The following RCOR2 variants were observed in gnomAD, a reference collection of about 807,000 sequenced individuals.
RCOR2 encodes the protein REST corepressor 2.
A neutral mutation model predicts 58.9 loss-of-function variants in RCOR2; 19 were observed. That is an observed-to-expected ratio of 0.32 (90% CI 0.23 to 0.47). The LOEUF (loss-of-function observed/expected upper bound fraction) is 0.47. RCOR2 is among the 20% of genes least tolerant of loss of function. The pLI is 1.00. For missense variants in RCOR2, 590 were observed against 707.9 expected (o/e 0.83, Z 1.89); for synonymous variants, 286 against 278.7 (o/e 1.03, Z -0.26).
At position 63,916,967 on chromosome 11, in the gene RCOR2, C is replaced by CCCG. The variant is rs1941867042; in HGVS notation, c.-512_-511insCGG. 3.4e-5 allele frequency: 5 copies of CCCG among 147,148 alleles called. No individual in the cohort carries two copies. The South Asian group carries it at 7.2e-4, about 21-fold the overall frequency. 9.1% of individuals were successfully genotyped at this position (147,148 alleles called of 1,614,324 possible). A position where few individuals can be genotyped will look rare whatever the true frequency, so the allele number is the denominator to read the frequency against. The stretch of plus-strand genomic sequence containing the variant: ...CCCGCGACGGCAGCCGGCCGGGGCA[C>CCCG]CGGCGGCGGCGGCGGCGGCGACGGC... On this transcript the variant is annotated 5_prime_UTR_variant, in exon 1 of 12. Transcript: ENST00000301459.
In RCOR2 at chr11:63,914,816, C is replaced by T. The variant is rs1312646976; in HGVS notation, c.319G>A (p.Ala107Thr). 6.2e-7 allele frequency: 1 copy of T among 1,605,640 alleles called. No individual in the cohort carries two copies. Among genetic ancestry groups the T allele is most frequent in the Non-Finnish European group, 8.5e-7 (1 of 1,175,704 alleles). The change falls in exon 5 of 12, where the codon GCG (alanine) becomes ACG (threonine). Residue 107 changes from alanine to threonine, a missense_variant and splice_region_variant. By Grantham distance (58) the Ala-to-Thr change is moderately conservative (BLOSUM62 0). Coordinates refer to ENST00000301459, the MANE Select transcript of RCOR2 (RefSeq NM_173587.4). ...KEKHGYNIEQ[A>T]LGMLLWHKHD... The stretch of plus-strand genomic sequence containing the variant: ...TTATGCCACAGAAGCATGCCCAGCG[C>T]CTGGCCCGGGGCAAGGGGCAGCTGA...
chr11:63,913,489 C>CTTTTTTTTTTTTT (rs1213435840), intron 8 of RCOR2, among the ~76,000 whole-genome samples: 9 of 76,874 alleles, frequency 1.2e-4, no homozygotes, highest in Admixed American at 2.0e-4. Context: ...CGTGCTCGGC[C>CTTTTTTTTTTTTT]TATTTTTTTT....
chr11:63,920,599 G>C (rs527889725), upstream of RCOR2, among the ~76,000 whole-genome samples: 1 of 152,154 alleles, frequency 6.6e-6, no homozygotes, highest in East Asian at 1.9e-4. Context: ...GGTGGGATCC[G>C]AGCCAAAACC....
upstream of RCOR2, among the ~76,000 whole-genome samples, chr11:63,921,393 A>G (rs1161947990): frequency 6.6e-6 from 1 of 152,184 alleles, no homozygotes; most frequent in East Asian, 1.9e-4. Flanking sequence ...TGCCTGGATC[A>G]TGGTCCCCCT....
intron 1 of RCOR2, 49 bp downstream of exon 1, chr11:63,916,281 C>G: frequency 6.6e-7 from 1 of 1,510,594 alleles, no homozygotes; most frequent in Non-Finnish European, 9.0e-7. Flanking sequence ...CCGCCCCACT[C>G]CGCTCCCCCC....
chr11:63,916,558 G>A lies in RCOR2; in HGVS notation c.-102C>T. 1 of 1,463,590 alleles carries A rather than the reference G, an allele frequency of 6.8e-7. No individual in the cohort carries two copies. The highest frequency in any genetic ancestry group is 2.4e-5 in the Admixed American group (1 of 41,958). 90.7% of individuals were successfully genotyped at this position (1,463,590 alleles called of 1,614,324 possible). A position where few individuals can be genotyped will look rare whatever the true frequency, so the allele number is the denominator to read the frequency against. On this transcript the variant is annotated 5_prime_UTR_variant, in exon 1 of 12. Coordinates refer to ENST00000301459, the MANE Select transcript of RCOR2 (RefSeq NM_173587.4). ...GAGCCCGGCCCGGCCTGGAGAGGTC[G>A]CCACTGAGGTTAGGAGAGGCAGGAG...
At chr11:63,923,799 G>A in the RCOR2 span, among the ~76,000 whole-genome samples, 2 of 152,086 alleles carry the variant, frequency 1.3e-5, no homozygotes, top group Non-Finnish European at 2.9e-5. Flanking sequence ...ATTGCCTTCT[G>A]GACTCAGCAT....
At chr11:63,925,919 T>G in the RCOR2 span, among the ~76,000 whole-genome samples, 1 of 151,286 alleles carries the variant, frequency 6.6e-6, no homozygotes, top group Non-Finnish European at 1.5e-5. Flanking sequence ...CCTTTTATTT[T>G]TATTTTTGAG....
the RCOR2 span, among the ~76,000 whole-genome samples, chr11:63,924,818 T>C: frequency 6.6e-6 from 1 of 151,564 alleles, no homozygotes; most frequent in Non-Finnish European, 1.5e-5. Flanking sequence ...TGAGTCACCG[T>C]GATTACAGGC....
the RCOR2 span, among the ~76,000 whole-genome samples, chr11:63,926,796 TG>T: frequency 5.2e-3 from 694 of 132,316 alleles, 10 homozygotes; most frequent in African/African-American, 0.016. Context: ...TTTTTTGTTT[TG>T]TTTTTTTTGT....
chr11:63,918,694 A>G (rs320115), upstream of RCOR2, among the ~76,000 whole-genome samples: 17,814 of 151,520 alleles, frequency 0.12, 3,319 homozygotes, highest in African/African-American at 0.4. Context: ...CTTTGGAGAG[A>G]CTCTCATTTC....
At position 63,912,098 on chromosome 11, in the gene RCOR2, A is replaced by T; in HGVS notation, c.1339T>A (p.Ser447Thr). Residue 447 changes from serine to threonine, a missense_variant, in exon 12 of 12, where the codon TCC becomes ACC. Ser to Thr is a moderately conservative substitution (Grantham distance 58). Coordinates refer to ENST00000301459, the MANE Select transcript of RCOR2 (RefSeq NM_173587.4). ...GGCCTCAGCAGCGGGGGTGGCTGGGACAGCGAGGTGGGAGGTGGAGGGGGT... is the reference window on the plus strand; with the variant it reads ...GGCCTCAGCAGCGGGGGTGGCTGGGTCAGCGAGGTGGGAGGTGGAGGGGGT... ...PPPPPPPTSL[S>T]QPPPLLRPPL... 7.6e-7 allele frequency: 1 copy of T among 1,316,662 alleles called. No homozygotes were observed. The highest frequency in any genetic ancestry group is 9.8e-7 in the Non-Finnish European group (1 of 1,016,670). The allele number at this position is 1,316,662 out of a possible 1,614,324, so 81.6% of individuals were successfully genotyped here.
chr11:63,927,374 T>A, the RCOR2 span, among the ~76,000 whole-genome samples: 3 of 152,022 alleles, frequency 2.0e-5, no homozygotes, highest in Non-Finnish European at 4.4e-5. Context: ...GGCTCAAGCA[T>A]TCCTCTCACC....
At chr11:63,922,609 C>G in the RCOR2 span, among the ~76,000 whole-genome samples, 1 of 152,204 alleles carries the variant, frequency 6.6e-6, no homozygotes, top group African/African-American at 2.4e-5. Context: ...TGCCTTGGCT[C>G]CCAAAGTGTT....
chr11:63,917,348 G>A (rs1429242527), upstream of RCOR2, among the ~76,000 whole-genome samples: 1 of 152,084 alleles, frequency 6.6e-6, no homozygotes, highest in East Asian at 1.9e-4. Flanking sequence ...GTCCCGCTGC[G>A]GGGGCTCCCC....
Position 63,914,740 on chromosome 11 carries a change from G to C in RCOR2, c.395C>G (p.Pro132Arg). 6.2e-7 allele frequency: 1 copy of C among 1,613,526 alleles called. No individual in the cohort carries two copies. Among genetic ancestry groups the C allele is most frequent in the Non-Finnish European group, 8.5e-7 (1 of 1,179,764 alleles). The change falls in exon 5 of 12, where the codon CCT becomes CGT. Residue 132 changes from proline to arginine, a missense_variant. Around this residue, in one of 3 missense-constraint regions of RCOR2, gnomAD observed 390 missense variants for 478.7 expected, o/e 0.81. Transcript: ENST00000301459. ...LADLANFTPF[P>R]DEWTVEDKVL... Reference sequence around the variant, plus strand: ...CTTGTCCTCTACTGTCCACTCGTCAGGGAATGGGGTGAAGTTGGCCAGGTC... The same window carrying C: ...CTTGTCCTCTACTGTCCACTCGTCACGGAATGGGGTGAAGTTGGCCAGGTC...
At position 63,912,869 on chromosome 11, in the gene RCOR2, C is replaced by T; in HGVS notation, c.969+1G>A. 1 of 1,613,678 alleles carries T rather than the reference C, an allele frequency of 6.2e-7. No homozygotes were observed. The highest frequency in any genetic ancestry group is 8.5e-7 in the Non-Finnish European group (1 of 1,179,800). On this transcript the variant is annotated splice_donor_variant, in intron 9 of 11. Coordinates refer to ENST00000301459, the MANE Select transcript of RCOR2 (RefSeq NM_173587.4). LOFTEE classifies it high-confidence loss of function. Reference sequence around the variant, plus strand: ...CACCCTAACTTAAAGAGCAGCCATACCTCCGGGGGGCGTAGTGGATCAATA... The same window carrying T: ...CACCCTAACTTAAAGAGCAGCCATATCTCCGGGGGGCGTAGTGGATCAATA...
chr11:63,914,991 G>C lies in RCOR2; in HGVS notation c.266-37C>G. On this transcript the variant is annotated intron_variant, in intron 3 of 11. Coordinates refer to ENST00000301459, the MANE Select transcript of RCOR2 (RefSeq NM_173587.4). ...GCAGGGGCAGGGTCTTGGTGAAGGG[G>C]GTTATAGCTCCTAACCCAGGCCTGT... 2.5e-6 allele frequency: 4 copies of C among 1,612,562 alleles called. No individual in the cohort carries two copies. In the African/African-American group the frequency reaches 4.0e-5, roughly 16 times the overall value.
chr11:63,912,717 T>G lies in RCOR2; in HGVS notation c.986A>C (p.Asn329Thr). 6 of 1,613,866 alleles carry G rather than the reference T, an allele frequency of 3.7e-6. No homozygotes were observed. The highest frequency in any genetic ancestry group is 4.2e-6 in the Non-Finnish European group (5 of 1,179,958). Residue 329 changes from asparagine (N) to threonine (T), a missense_variant, in exon 10 of 12, where the codon AAC becomes ACC. Asn to Thr is a moderately conservative substitution (Grantham distance 65). Coordinates refer to ENST00000301459, the MANE Select transcript of RCOR2 (RefSeq NM_173587.4). Reference sequence around the variant, plus strand: ...CTGCTCATCTGTGGTCCAGCGGGAGTTGAACTTGGTGTTGGCCTGGAAAGC... The same window carrying G: ...CTGCTCATCTGTGGTCCAGCGGGAGGTGAACTTGGTGTTGGCCTGGAAAGC... ...LRPPEANTKF[N>T]SRWTTDEQLL...
Sources: allele counts gnomAD v4.1 joint callset (sites outside exome capture counted in the v4.1 genomes callset), GRCh38; gene constraint gnomAD v4.1.1; regional missense constraint gnomAD v4.1.1; transcripts MANE v1.5; gene names NCBI Gene and HGNC (gene_info 2026-07-23, HGNC 2026-07-21).